Variants in RXRG observed in about 807,000 individuals in gnomAD.
The protein encoded by RXRG is retinoic acid receptor RXR-gamma.
A neutral mutation model predicts 49.2 loss-of-function variants in RXRG; 19 were observed. That is an observed-to-expected ratio of 0.39 (90% CI 0.27 to 0.57). The LOEUF is 0.57. Ranked by LOEUF, RXRG falls within the 20% of genes least tolerant of loss-of-function variation. RXRG has a pLI of 0.64. For missense variants in RXRG, 452 were observed against 592.5 expected (o/e 0.76, Z 2.46); for synonymous variants, 224 against 216.6 (o/e 1.03, Z -0.30).
intron 8 of RXRG, among the ~76,000 whole-genome samples, 185 bp downstream of exon 8, chr1:165,408,042 C>T (rs956341773): frequency 1.8e-4 from 28 of 152,146 alleles, no homozygotes; most frequent in African/African-American, 6.5e-4. Context: ...CCCAGACACG[C>T]GCCTGCCACA....
chr1:165,442,345 T>C (rs1401657767), intron 1 of RXRG, among the ~76,000 whole-genome samples: 1 of 152,224 alleles, frequency 6.6e-6, no homozygotes, highest in Non-Finnish European at 1.5e-5. Flanking sequence ...GCCAACAAAA[T>C]GGAAAACCTC....
intron 4 of RXRG, among the ~76,000 whole-genome samples, chr1:165,414,539 A>G (rs1031858560): frequency 4.6e-5 from 7 of 152,202 alleles, no homozygotes; most frequent in African/African-American, 1.7e-4. Flanking sequence ...CTTTAATTCA[A>G]TATCATGTGC....
chr1:165,409,557 C>T lies in RXRG; in HGVS notation c.1046+1G>A. 6.8e-7 allele frequency: 1 copy of T among 1,474,698 alleles called. No homozygotes were observed. 91.4% of individuals were successfully genotyped at this position (1,474,698 alleles called of 1,614,324 possible). A position where few individuals can be genotyped will look rare whatever the true frequency, so the allele number is the denominator to read the frequency against. ...AAATACTGGAAGCAGGAGAGAGACA[C>T]CTGTCAAAGATGGAGCCGACCCCAG... On this transcript the variant is annotated splice_donor_variant, in intron 7 of 9. Coordinates refer to ENST00000359842, the MANE Select transcript of RXRG (RefSeq NM_006917.5). LOFTEE classifies it high-confidence loss of function.
intron 1 of RXRG, among the ~76,000 whole-genome samples, chr1:165,430,214 C>G (rs1279395700): frequency 1.3e-5 from 2 of 152,170 alleles, no homozygotes; most frequent in Non-Finnish European, 2.9e-5. Context: ...CCTTGCCAAG[C>G]AGATGGGATA....
At chr1:165,427,787 C>T (rs543363012) in intron 2 of RXRG, among the ~76,000 whole-genome samples, 3 of 152,214 alleles carry the variant, frequency 2.0e-5, no homozygotes, top group Non-Finnish European at 2.9e-5. Flanking sequence ...TCAGTGGGCA[C>T]GATTTGAGCA....
At position 165,401,526 on chromosome 1, in the gene RXRG, G is replaced by A. The variant is rs2101696981; in HGVS notation, c.1245-116C>T. The A allele has an allele frequency of 3.5e-6, 4 of 1,139,684 alleles. No homozygotes were observed. The South Asian group carries it at 4.0e-5, about 12-fold the overall frequency. The allele number at this position is 1,139,684 out of a possible 1,614,324, so 70.6% of individuals were successfully genotyped here. On this transcript the variant is annotated intron_variant, in intron 9 of 9. Transcript: ENST00000359842. ...CGACCCATCTGTGATAAAAGAGCTG[G>A]AAGGGTAGACAAGGGGGTCACAGAA...
At chr1:165,422,697 A>C (rs1234670221) in intron 2 of RXRG, among the ~76,000 whole-genome samples, 3 of 152,258 alleles carry the variant, frequency 2.0e-5, no homozygotes, top group Non-Finnish European at 2.9e-5. Flanking sequence ...TTTGGGAAGC[A>C]ATAAGCAGCC....
At chr1:165,442,967 A>G (rs1659051668) in intron 1 of RXRG, among the ~76,000 whole-genome samples, 1 of 152,116 alleles carries the variant, frequency 6.6e-6, no homozygotes, top group Admixed American at 6.6e-5. Flanking sequence ...CAATATTATA[A>G]ATTTGAGTAA....
At chr1:165,403,087 G>A (rs193030271) in intron 9 of RXRG, among the ~76,000 whole-genome samples, 9 of 152,238 alleles carry the variant, frequency 5.9e-5, no homozygotes, top group Non-Finnish European at 1.0e-4. Context: ...TTCTATAACT[G>A]AGGACATTTG....
intron 1 of RXRG, among the ~76,000 whole-genome samples, chr1:165,439,311 G>T (rs1025989482): frequency 6.6e-6 from 1 of 151,372 alleles, no homozygotes; most frequent in Non-Finnish European, 1.5e-5. Flanking sequence ...GGGGAGGAGG[G>T]GGGTGGAGGA....
chr1:165,408,133 A>G, intron 8 of RXRG, 94 bp downstream of exon 8: 4 of 931,206 alleles, frequency 4.3e-6, no homozygotes, highest in South Asian at 2.7e-5. Context: ...TCTGTGTCTC[A>G]GCTGAGATGG....
At chr1:165,427,845 A>G (rs546486528) in intron 2 of RXRG, among the ~76,000 whole-genome samples, 3 of 152,256 alleles carry the variant, frequency 2.0e-5, no homozygotes, top group African/African-American at 4.8e-5. Flanking sequence ...TTGCATTTCT[A>G]TGATACACCA....
intron 1 of RXRG, chr1:165,437,265 T>C (rs771035052): frequency 1.5e-6 from 2 of 1,349,732 alleles, no homozygotes; most frequent in South Asian, 1.2e-5. Flanking sequence ...TCTGCTTGTA[T>C]ATGGGCTGTG....
At chr1:165,438,064 C>T (rs1292336895) in intron 1 of RXRG, among the ~76,000 whole-genome samples, 1 of 152,202 alleles carries the variant, frequency 6.6e-6, no homozygotes. Context: ...GCCTTACGGA[C>T]TACACTGTCA....
At chr1:165,410,557 G>A in intron 6 of RXRG, 145 bp downstream of exon 6, 2 of 803,654 alleles carry the variant, frequency 2.5e-6, no homozygotes, top group Non-Finnish European at 3.7e-6. Context: ...CTTCCTTTGG[G>A]AATGAACAAC....
chr1:165,418,604 C>T (rs751738340), intron 3 of RXRG, among the ~76,000 whole-genome samples: 26 of 152,232 alleles, frequency 1.7e-4, no homozygotes, highest in African/African-American at 4.8e-4. Flanking sequence ...TACTACAGGC[C>T]GGCTTTTCAC....
chr1:165,415,376 G>T (rs1314435957), intron 4 of RXRG, among the ~76,000 whole-genome samples: 1 of 152,070 alleles, frequency 6.6e-6, no homozygotes, highest in Admixed American at 6.6e-5. Context: ...TTTTTTTCTG[G>T]GTGAGAAGGA....
At position 165,419,938 on chromosome 1, in the gene RXRG, T is replaced by G. The variant is rs1353355905; in HGVS notation, c.374A>C (p.Asn125Thr). 10 of 1,613,462 alleles carry G rather than the reference T, an allele frequency of 6.2e-6. No homozygotes were observed. Among genetic ancestry groups the G allele is most frequent in the African/African-American group, 1.3e-5 (1 of 74,900 alleles). The change falls in exon 3 of 10, where the codon AAC (asparagine) becomes ACC (threonine). Residue 125 changes from asparagine to threonine, a missense_variant. Physicochemically the swap from Asn to Thr is moderately conservative, Grantham distance 65. Coordinates refer to ENST00000359842, the MANE Select transcript of RXRG (RefSeq NM_006917.5). ...LPGLPGIGNM[N>T]YPSTSPGSLV... ...AGATCCGGGGCTGGTGGATGGGTAG[T>G]TCATGTTTCCAATCCCGGGAAGCCC...
chr1:165,408,435 T>C lies in RXRG; in HGVS notation c.1047-117A>G, dbSNP rs1657828284. The C allele has an allele frequency of 5.6e-6, 4 of 712,390 alleles. No homozygotes were observed. The East Asian group carries it at 1.0e-4, about 18-fold the overall frequency. 44.1% of individuals were successfully genotyped at this position (712,390 alleles called of 1,614,324 possible). ...ACTCTGTTTCCAGATGATGTACCAG[T>C]TACTAGGGGTACAGAAATGAAAAAG... On this transcript the variant is annotated intron_variant, in intron 7 of 9. Transcript: ENST00000359842.
Sources: gnomAD v4.1 joint callset for allele counts (sites outside exome capture counted in the v4.1 genomes callset) on GRCh38, gnomAD v4.1.1 for gene constraint, MANE v1.5 for transcripts, NCBI Gene and HGNC (gene_info 2026-07-23, HGNC 2026-07-21) for gene names.